The following TRPM3 variants were observed in gnomAD, a reference collection of about 807,000 sequenced individuals.
TRPM3 encodes transient receptor potential cation channel subfamily M member 3.
In TRPM3, 77 loss-of-function variants were observed where a neutral mutation model predicts 181.2. The ratio of observed to expected loss-of-function variants is 0.42; its 90% CI spans 0.35 to 0.51. TRPM3 has a LOEUF of 0.51. Ranked by LOEUF, TRPM3 falls within the 20% of genes least tolerant of loss-of-function variation. The probability of loss-of-function intolerance (pLI) is 0.01; values close to 1 mark genes in which losing one functional copy is unlikely to be tolerated. For missense variants in TRPM3, 1,759 were observed against 2,196.7 expected (o/e 0.80, Z 3.98); for synonymous variants, 745 against 796.4 (o/e 0.94, Z 1.09).
intron 1 of TRPM3, among the ~76,000 whole-genome samples, chr9:71,090,368 T>C (rs1259019522): frequency 6.6e-6 from 1 of 152,218 alleles, no homozygotes; most frequent in African/African-American, 2.4e-5. Flanking sequence ...GCAACTATTC[T>C]ACTATGCAAG....
At chr9:70,960,437 T>G (rs1002698540) in intron 1 of TRPM3, among the ~76,000 whole-genome samples, 1 of 152,200 alleles carries the variant, frequency 6.6e-6, no homozygotes, top group Non-Finnish European at 1.5e-5. Context: ...CTACCTTTTT[T>G]CATCTTCTTA....
chr9:70,773,345 A>T (rs1411825591), intron 7 of TRPM3, among the ~76,000 whole-genome samples: 1 of 152,152 alleles, frequency 6.6e-6, no homozygotes, highest in Non-Finnish European at 1.5e-5. Flanking sequence ...TTCCTCATTT[A>T]TAAAATAGGG....
At chr9:71,245,020 T>C (rs959844741) in intron 1 of TRPM3, among the ~76,000 whole-genome samples, 3 of 152,166 alleles carry the variant, frequency 2.0e-5, no homozygotes, top group Admixed American at 1.3e-4. Flanking sequence ...TCGAACAACA[T>C]GAACGGAGAC....
intron 1 of TRPM3, among the ~76,000 whole-genome samples, chr9:71,096,197 G>A (rs2067161524): frequency 6.6e-6 from 1 of 150,710 alleles, no homozygotes. Flanking sequence ...TGTAAATTCA[G>A]AACAATGTTG....
intron 21 of TRPM3, among the ~76,000 whole-genome samples, chr9:70,595,684 G>T (rs1190743614): frequency 6.6e-6 from 1 of 152,138 alleles, no homozygotes; most frequent in East Asian, 1.9e-4. Flanking sequence ...ATAAATTGCA[G>T]AGAGGGTCCA....
Position 70,537,331 on chromosome 9 carries a change from A to C in TRPM3, c.3782T>G (p.Val1261Gly). ...TTCCAGCTGCGCCAGCCGGATGTCC[A>C]CGGTCTGGAGTGAAGCCTTCATGGA... The part of the protein sequence containing the change: ...EHSMKASLQT[V>G]DIRLAQLEDL... The change falls in exon 26 of 26, where the codon GTG becomes GGG. Residue 1261 changes from valine to glycine, a missense_variant. By Grantham distance (109) the Val-to-Gly change is moderately radical. This residue lies in a region of TRPM3 where 612 missense variants were observed against 590.0 expected (regional missense o/e 1.04). Transcript: ENST00000677713. 6.6e-7 allele frequency: 1 copy of C among 1,521,634 alleles called. No individual in the cohort carries two copies. Among genetic ancestry groups the C allele is most frequent in the South Asian group, 1.3e-5 (1 of 76,764 alleles). 94.3% of individuals were successfully genotyped at this position (1,521,634 alleles called of 1,614,324 possible). A position where few individuals can be genotyped will look rare whatever the true frequency, so the allele number is the denominator to read the frequency against.
At chr9:71,031,799 G>A (rs2057335085) in intron 1 of TRPM3, among the ~76,000 whole-genome samples, 1 of 148,880 alleles carries the variant, frequency 6.7e-6, no homozygotes, top group Non-Finnish European at 1.5e-5. Context: ...TATATTTCAT[G>A]AATCATAATT....
intron 1 of TRPM3, among the ~76,000 whole-genome samples, chr9:71,116,956 T>C (rs2134304629): frequency 6.6e-6 from 1 of 152,250 alleles, no homozygotes; most frequent in East Asian, 1.9e-4. Flanking sequence ...CTAGAGACAA[T>C]AACTGAAATA....
chr9:71,385,452 C>A (rs78259481), intron 1 of TRPM3, among the ~76,000 whole-genome samples: 2,006 of 152,178 alleles, frequency 0.013, 35 homozygotes, highest in African/African-American at 0.04. Flanking sequence ...GTTACATTTA[C>A]AAATCAGGAT....
intron 1 of TRPM3, among the ~76,000 whole-genome samples, chr9:71,383,230 G>A (rs895649774): frequency 3.3e-5 from 5 of 152,092 alleles, no homozygotes; most frequent in Admixed American, 1.3e-4. Context: ...ATGTATATGT[G>A]TGTTTTTAAA....
chr9:70,947,135 T>A (rs1029960598), intron 1 of TRPM3, among the ~76,000 whole-genome samples: 1 of 152,202 alleles, frequency 6.6e-6, no homozygotes, highest in Non-Finnish European at 1.5e-5. Flanking sequence ...TAGAATAAAC[T>A]GAAAAAAGAA....
At chr9:70,962,362 G>T (rs904032201) in intron 1 of TRPM3, among the ~76,000 whole-genome samples, 2 of 151,946 alleles carry the variant, frequency 1.3e-5, no homozygotes, top group Non-Finnish European at 2.9e-5. Context: ...CCTGTATCAC[G>T]GGCCTGTACA....
At chr9:70,808,249 A>G (rs969424090) in intron 6 of TRPM3, among the ~76,000 whole-genome samples, 2 of 152,194 alleles carry the variant, frequency 1.3e-5, no homozygotes, top group African/African-American at 4.8e-5. Context: ...AACATTGGCA[A>G]CCCAAATCTT....
chr9:70,981,714 T>A (rs1179084288), intron 1 of TRPM3, among the ~76,000 whole-genome samples: 1 of 152,206 alleles, frequency 6.6e-6, no homozygotes, highest in Non-Finnish European at 1.5e-5. Context: ...TGGCTCGTTG[T>A]AAGTACTCAA....
At chr9:70,846,710 AT>A (rs1564565826) in intron 3 of TRPM3, 119 bp from the exon 4 acceptor site, 1 of 775,420 alleles carries the variant, frequency 1.3e-6, no homozygotes, top group Non-Finnish European at 2.0e-6. Flanking sequence ...ATAAAATCAG[AT>A]TTTTTTAAAA....
chr9:71,175,744 A>G (rs1190534429), intron 1 of TRPM3, among the ~76,000 whole-genome samples: 2 of 152,214 alleles, frequency 1.3e-5, no homozygotes, highest in Non-Finnish European at 2.9e-5. Flanking sequence ...GGACATGGAT[A>G]GATTAGGCAT....
intron 8 of TRPM3, among the ~76,000 whole-genome samples, chr9:70,688,963 G>A (rs1049865218): frequency 6.6e-6 from 1 of 152,120 alleles, no homozygotes; most frequent in African/African-American, 2.4e-5. Context: ...GTAAGCATTT[G>A]TTGAGTAGAT....
chr9:71,058,135 A>T (rs547999137), intron 1 of TRPM3, among the ~76,000 whole-genome samples: 1 of 152,194 alleles, frequency 6.6e-6, no homozygotes, highest in South Asian at 2.1e-4. Flanking sequence ...ACAAGCCTTG[A>T]TATTTCCCGA....
chr9:70,913,284 C>T (rs2096557125), intron 1 of TRPM3, among the ~76,000 whole-genome samples: 1 of 152,154 alleles, frequency 6.6e-6, no homozygotes, highest in Non-Finnish European at 1.5e-5. Flanking sequence ...TCCCAATGGT[C>T]TTATTTAGTT....
Sources: gnomAD v4.1 joint callset for allele counts (sites outside exome capture counted in the v4.1 genomes callset) on GRCh38, gnomAD v4.1.1 for gene constraint, gnomAD v4.1.1 regional missense constraint, MANE v1.5 for transcripts, NCBI Gene and HGNC (gene_info 2026-07-23, HGNC 2026-07-21) for gene names.